The following RIMS3 variants were observed in gnomAD, a reference collection of about 807,000 sequenced individuals.
The protein encoded by RIMS3 is regulating synaptic membrane exocytosis 3.
A neutral mutation model predicts 29.2 loss-of-function variants in RIMS3; 15 were observed. The ratio of observed to expected loss-of-function variants is 0.51; its 90% CI spans 0.34 to 0.79. RIMS3 has a LOEUF of 0.79. RIMS3 is among the 30% of genes least tolerant of loss of function. The pLI is 0.01. For synonymous variants in RIMS3, 161 were observed against 170.1 expected (o/e 0.95, Z 0.41); for missense variants, 342 against 421.4 (o/e 0.81, Z 1.65).
intron 7 of RIMS3, among the ~76,000 whole-genome samples, chr1:40,628,108 A>G (rs1015311287): frequency 2.0e-5 from 3 of 152,186 alleles, no homozygotes; most frequent in African/African-American, 4.8e-5. Flanking sequence ...GGCAGGCCCT[A>G]TGTAAGGCTC....
At chr1:40,639,524 T>C (rs1419180014) in intron 3 of RIMS3, among the ~76,000 whole-genome samples, 2 of 152,206 alleles carry the variant, frequency 1.3e-5, no homozygotes, top group Non-Finnish European at 2.9e-5. Flanking sequence ...TGAGTGCCTA[T>C]ACTATGTGCC....
chr1:40,671,194 G>A, the RIMS3 span, among the ~76,000 whole-genome samples: 1 of 152,186 alleles, frequency 6.6e-6, no homozygotes, highest in South Asian at 2.1e-4. Flanking sequence ...AACTGGTTGG[G>A]TGGTGATGTT....
chr1:40,643,103 C>T (rs929416880), intron 2 of RIMS3, among the ~76,000 whole-genome samples: 1 of 151,894 alleles, frequency 6.6e-6, no homozygotes, highest in African/African-American at 2.4e-5. Flanking sequence ...AAGTTTATCT[C>T]CTCTTTCTCT....
intron 1 of RIMS3, among the ~76,000 whole-genome samples, chr1:40,658,034 TA>T (rs34476811): frequency 1.4e-4 from 22 of 152,152 alleles, no homozygotes; most frequent in Admixed American, 3.9e-4. Flanking sequence ...AGTAAGTGCT[TA>T]AAAAAAATGT....
At chr1:40,678,704 C>T in the RIMS3 span, among the ~76,000 whole-genome samples, 6 of 152,186 alleles carry the variant, frequency 3.9e-5, no homozygotes, top group African/African-American at 7.2e-5. Flanking sequence ...CCAGAGTCGG[C>T]GCTCACCCCT....
chr1:40,647,156 AGT>A (rs2148353539), intron 2 of RIMS3, among the ~76,000 whole-genome samples: 1 of 152,174 alleles, frequency 6.6e-6, no homozygotes, highest in African/African-American at 2.4e-5. Context: ...TGGGATTACA[AGT>A]GTGAGCTACC....
At chr1:40,649,783 C>T (rs1557679599) in intron 1 of RIMS3, among the ~76,000 whole-genome samples, 1 of 152,134 alleles carries the variant, frequency 6.6e-6, no homozygotes, top group Non-Finnish European at 1.5e-5. Flanking sequence ...CCAGCCTGGC[C>T]CACTCAGCCT....
intron 1 of RIMS3, among the ~76,000 whole-genome samples, chr1:40,655,869 C>T (rs778141545): frequency 6.6e-6 from 1 of 152,122 alleles, no homozygotes; most frequent in Non-Finnish European, 1.5e-5. Context: ...AAAAATTAGC[C>T]GGGCATGGTG....
upstream of RIMS3, among the ~76,000 whole-genome samples, chr1:40,667,509 A>C (rs1318082400): frequency 6.6e-6 from 1 of 152,160 alleles, no homozygotes; most frequent in Non-Finnish European, 1.5e-5. Flanking sequence ...AAAACTTAGC[A>C]CTATCTCTCT....
At chr1:40,650,115 T>C (rs1646621343) in intron 1 of RIMS3, among the ~76,000 whole-genome samples, 1 of 152,044 alleles carries the variant, frequency 6.6e-6, no homozygotes, top group South Asian at 2.1e-4. Flanking sequence ...ACCACAACTC[T>C]AAGGACTCAG....
chr1:40,655,792 G>T (rs918787723), intron 1 of RIMS3, among the ~76,000 whole-genome samples: 1 of 152,180 alleles, frequency 6.6e-6, no homozygotes, highest in African/African-American at 2.4e-5. Context: ...ATCACTTGAG[G>T]TCAGGAGTTC....
In RIMS3 at chr1:40,622,189, T is replaced by C. The variant is rs1480356315; in HGVS notation, c.*4328A>G. On this transcript the variant is annotated 3_prime_UTR_variant, in exon 8 of 8. Coordinates refer to ENST00000372684, the MANE Select transcript of RIMS3 (RefSeq NM_014747.3). ...CGTTTGTGCAACTCAGCCATCAGAG[T>C]TGGTGCCCAAGGAGGCCAAGTTGCT... 1 of 152,582 alleles carries C rather than the reference T, an allele frequency of 6.6e-6. No homozygotes were observed. Among genetic ancestry groups the C allele is most frequent in the Non-Finnish European group, 1.5e-5 (1 of 68,026 alleles). 9.5% of individuals were successfully genotyped at this position (152,582 alleles called of 1,614,324 possible).
the RIMS3 span, chr1:40,690,486 A>G: frequency 1.3e-5 from 2 of 152,264 alleles, no homozygotes; most frequent in African/African-American, 4.8e-5. Flanking sequence ...GCACTCTCAC[A>G]TTATTTCATT....
the RIMS3 span, among the ~76,000 whole-genome samples, chr1:40,681,907 C>T: frequency 5.9e-5 from 9 of 152,324 alleles, no homozygotes; most frequent in African/African-American, 2.2e-4. Flanking sequence ...CATCTTGGCT[C>T]ACTGCACCCT....
chr1:40,639,812 A>G (rs1646544263), intron 3 of RIMS3, among the ~76,000 whole-genome samples: 6 of 152,040 alleles, frequency 3.9e-5, no homozygotes, highest in Admixed American at 3.9e-4. Flanking sequence ...ACTCACATTC[A>G]GCAATTAGCT....
intron 5 of RIMS3, 53 bp downstream of exon 5, chr1:40,633,011 ACCCTT>A: frequency 1.5e-6 from 2 of 1,374,690 alleles, no homozygotes; most frequent in Non-Finnish European, 2.1e-6. Flanking sequence ...CACTGAGCTC[ACCCTT>A]CCTGTCGCAT....
intron 1 of RIMS3, among the ~76,000 whole-genome samples, chr1:40,649,181 G>A (rs1646614299): frequency 7.6e-6 from 1 of 131,820 alleles, no homozygotes; most frequent in Non-Finnish European, 1.6e-5. Flanking sequence ...GCACGTGCAT[G>A]CACAGACACA....
chr1:40,623,718 T>C lies in RIMS3; in HGVS notation c.*2799A>G, dbSNP rs1338937888. On this transcript the variant is annotated 3_prime_UTR_variant, in exon 8 of 8. Transcript: ENST00000372684. ...CCCACCCCAGCAAACAACCAGGAGT[T>C]ACACTTGTGCATTCTCCTCTTCTGG... The C allele has an allele frequency of 5.3e-6, 2 of 375,688 alleles. No homozygotes were observed. Among genetic ancestry groups the C allele is most frequent in the African/African-American group, 4.6e-5 (2 of 43,348 alleles). 23.3% of individuals were successfully genotyped at this position (375,688 alleles called of 1,614,324 possible). A position where few individuals can be genotyped will look rare whatever the true frequency, so the allele number is the denominator to read the frequency against.
intron 1 of RIMS3, among the ~76,000 whole-genome samples, chr1:40,659,181 G>A (rs1642314941): frequency 6.6e-6 from 1 of 152,276 alleles, no homozygotes; most frequent in South Asian, 2.1e-4. Context: ...TAGGGGTGGG[G>A]AGGCATTACA....
Sources: gnomAD v4.1 joint callset for allele counts (sites outside exome capture counted in the v4.1 genomes callset) on GRCh38, gnomAD v4.1.1 for gene constraint, MANE v1.5 for transcripts, NCBI Gene and HGNC (gene_info 2026-07-23, HGNC 2026-07-21) for gene names.